DYM: variants seen among roughly 807,000 people sequenced by gnomAD.
DYM encodes the protein dyggve-Melchior-Clausen syndrome protein.
In DYM, 78 loss-of-function variants were observed where a neutral mutation model predicts 93.1. The observed-to-expected ratio is 0.84, with a 90% CI of 0.70 to 1.01. The LOEUF is 1.01. DYM is among the 50% of genes least tolerant of loss of function. The pLI is 0.00. For missense variants in DYM, 789 were observed against 845.0 expected (o/e 0.93, Z 0.82); for synonymous variants, 321 against 319.7 (o/e 1.00, Z -0.04).
intron 8 of DYM, among the ~76,000 whole-genome samples, chr18:49,292,505 G>T (rs1369526186): frequency 7.0e-6 from 1 of 143,564 alleles, no homozygotes; most frequent in Non-Finnish European, 1.5e-5. Context: ...ACTGGACAAA[G>T]ATTCTTCCAA....
chr18:49,439,666 A>G (rs1378753300), intron 1 of DYM, among the ~76,000 whole-genome samples: 1 of 152,200 alleles, frequency 6.6e-6, no homozygotes, highest in African/African-American at 2.4e-5. Context: ...AATTAAAACA[A>G]TAATATATCA....
At chr18:49,232,711 C>T (rs1163694755) in intron 13 of DYM, among the ~76,000 whole-genome samples, 5 of 149,162 alleles carry the variant, frequency 3.4e-5, no homozygotes, top group South Asian at 2.2e-4. Context: ...CGGGTTCAAG[C>T]GATTCTCCTG....
At chr18:49,145,625 T>A (rs1254244324) in intron 15 of DYM, among the ~76,000 whole-genome samples, 1 of 152,186 alleles carries the variant, frequency 6.6e-6, no homozygotes, top group Non-Finnish European at 1.5e-5. Flanking sequence ...CAAATGAGTA[T>A]CAACCTGTCC....
intron 13 of DYM, among the ~76,000 whole-genome samples, chr18:49,217,976 C>A (rs2143895027): frequency 6.6e-6 from 1 of 152,212 alleles, no homozygotes; most frequent in Non-Finnish European, 1.5e-5. Flanking sequence ...GATAAACGGT[C>A]AAGACCCATC....
chr18:49,390,665 C>T (rs1195915513), intron 3 of DYM: 1 of 152,098 alleles, frequency 6.6e-6, no homozygotes, highest in Admixed American at 6.6e-5. Context: ...CACCACCATG[C>T]CTTGCTAATT....
intron 13 of DYM, among the ~76,000 whole-genome samples, chr18:49,222,817 T>G (rs548691783): frequency 6.6e-6 from 1 of 152,276 alleles, no homozygotes; most frequent in African/African-American, 2.4e-5. Context: ...AAAAACTCTA[T>G]GTCACAAATA....
rs140325678 is a variant in DYM, at chr18:49,432,367, G to T, written c.-53-1920C>A. On this transcript the variant is annotated intron_variant, in intron 1 of 17. Coordinates refer to ENST00000675505, the MANE Select transcript of DYM (RefSeq NM_001353214.3). The stretch of plus-strand genomic sequence containing the variant: ...AAAAAAAGAAAGAAAGAAATTCTCT[G>T]AAATATATAAATTCCTAACTTACAA... Among the ~76,000 whole-genome samples, 101 of 148,104 alleles carry T rather than the reference G, an allele frequency of 6.8e-4. 1 individual carries two copies. The East Asian group carries it at 0.018, about 26-fold the overall frequency.
Position 49,044,035 on chromosome 18 carries a change from G to T in DYM, c.*20C>A. ...AGGGCTGCTTGGCTGGAGGGGTCCG[G>T]GTGGGAGAGCATCCTGCCCTCAGTC... is the stretch of plus-strand genomic sequence containing the variant. On this transcript the variant is annotated 3_prime_UTR_variant, in exon 18 of 18. Coordinates refer to ENST00000675505, the MANE Select transcript of DYM (RefSeq NM_001353214.3). 6.2e-7 allele frequency: 1 copy of T among 1,612,512 alleles called. No individual in the cohort carries two copies. The highest frequency in any genetic ancestry group is 8.5e-7 in the Non-Finnish European group (1 of 1,179,948).
intron 2 of DYM, among the ~76,000 whole-genome samples, chr18:49,393,097 GAAGGAAGGAAGGAAGGAA>G (rs2069569850): frequency 8.2e-4 from 1 of 1,216 alleles, no homozygotes; most frequent in Admixed American, 8.2e-3. Flanking sequence ...GGGAGGGAAG[GAAGGAAGGAAGGAAGGAA>G]GGAAGGAAGG....
In DYM at chr18:49,246,196, C is replaced by T. The variant is rs374207146; in HGVS notation, c.1460+10814G>A. On this transcript the variant is annotated intron_variant, in intron 13 of 17. Transcript: ENST00000675505. Reference sequence around the variant, plus strand: ...GCTAGCTTTTCCAAACTATCCTTGTCTCTCCTAAGGAAGCATTCTCTCTTC... The same window carrying T: ...GCTAGCTTTTCCAAACTATCCTTGTTTCTCCTAAGGAAGCATTCTCTCTTC... 2.0e-5 allele frequency among the ~76,000 whole-genome samples: 3 copies of T among 152,156 alleles called. No individual in the cohort carries two copies. In the East Asian group the frequency reaches 5.8e-4, roughly 29 times the overall value.
At chr18:49,236,751 G>A (rs895978624) in intron 13 of DYM, among the ~76,000 whole-genome samples, 5 of 152,192 alleles carry the variant, frequency 3.3e-5, no homozygotes, top group East Asian at 1.9e-4. Flanking sequence ...AGGCCACTCC[G>A]TAGGAGCCGG....
At chr18:49,159,622 C>G (rs2086855355) in intron 15 of DYM, among the ~76,000 whole-genome samples, 2 of 152,162 alleles carry the variant, frequency 1.3e-5, no homozygotes, top group Admixed American at 6.5e-5. Context: ...TGGCTCATGC[C>G]TGTAATCCTA....
chr18:49,147,914 T>C (rs1047187394), intron 15 of DYM, among the ~76,000 whole-genome samples: 1 of 152,176 alleles, frequency 6.6e-6, no homozygotes. Context: ...TGCGGCACTA[T>C]TCACGATAGC....
chr18:49,050,734 A>G (rs1333115617), intron 17 of DYM, among the ~76,000 whole-genome samples: 1 of 152,032 alleles, frequency 6.6e-6, no homozygotes, highest in Admixed American at 6.5e-5. Flanking sequence ...AAAAAACAAA[A>G]GTGGCCTCTC....
intron 1 of DYM, among the ~76,000 whole-genome samples, chr18:49,457,560 C>T (rs2083094020): frequency 6.6e-6 from 1 of 152,202 alleles, no homozygotes; most frequent in African/African-American, 2.4e-5. Context: ...CCATTATCTA[C>T]AATCCTAAGT....
chr18:49,410,579 C>G (rs1417494165), intron 2 of DYM, among the ~76,000 whole-genome samples: 1 of 150,336 alleles, frequency 6.7e-6, no homozygotes, highest in Non-Finnish European at 1.5e-5. Context: ...TTTACTAATT[C>G]AGGATTGGGG....
intron 8 of DYM, among the ~76,000 whole-genome samples, chr18:49,327,592 A>G (rs1324112930): frequency 6.6e-6 from 1 of 152,076 alleles, no homozygotes; most frequent in East Asian, 1.9e-4. Context: ...CCTGAGCTCA[A>G]GCGATCCACC....
At chr18:49,105,412 T>C (rs2080687892) in intron 16 of DYM, among the ~76,000 whole-genome samples, 1 of 152,222 alleles carries the variant, frequency 6.6e-6, no homozygotes, top group Non-Finnish European at 1.5e-5. Context: ...TCTCCTTCAG[T>C]TCTGCTCTGC....
intron 10 of DYM, among the ~76,000 whole-genome samples, chr18:49,277,329 A>T (rs1031425632): frequency 1.3e-5 from 2 of 152,172 alleles, no homozygotes; most frequent in Non-Finnish European, 2.9e-5. Context: ...AACAAAAAGG[A>T]CAGAATCCTG....
Sources: allele counts gnomAD v4.1 joint callset (sites outside exome capture counted in the v4.1 genomes callset), GRCh38; gene constraint gnomAD v4.1.1; transcripts MANE v1.5; gene names NCBI Gene and HGNC (gene_info 2026-07-23, HGNC 2026-07-21).